Variants in CDH13 observed in about 807,000 individuals in gnomAD.
CDH13 encodes the protein cadherin 13.
Under a neutral mutation model 63.8 loss-of-function variants are expected in CDH13, and 24 were observed. The ratio of observed to expected loss-of-function variants is 0.38; its 90% CI spans 0.27 to 0.53. CDH13 has a LOEUF of 0.53. Among genes scored for constraint, CDH13 ranks in the 20% least tolerant of loss-of-function variants. The pLI, the probability that CDH13 is intolerant of heterozygous loss-of-function variation, is 0.85. For synonymous variants in CDH13, 503 were observed against 355.3 expected, an observed-to-expected ratio of 1.42 and a Z score of -4.67; for missense variants, 1,049 against 903.1, an observed-to-expected ratio of 1.16 and a Z score of -2.07.
intron 6 of CDH13, among the ~76,000 whole-genome samples, chr16:83,402,811 C>G (rs989041739): frequency 6.6e-6 from 1 of 152,168 alleles, no homozygotes; most frequent in Non-Finnish European, 1.5e-5. Flanking sequence ...ATTGTATTAC[C>G]TAATTTATGT....
At chr16:83,749,818 AG>A (rs1912928938) in intron 11 of CDH13, among the ~76,000 whole-genome samples, 1 of 152,192 alleles carries the variant, frequency 6.6e-6, no homozygotes, top group Non-Finnish European at 1.5e-5. Context: ...CTAAGCCCAG[AG>A]AAGCCCCTGT....
At chr16:83,584,423 T>C (rs1051284232) in intron 7 of CDH13, among the ~76,000 whole-genome samples, 1 of 152,150 alleles carries the variant, frequency 6.6e-6, no homozygotes, top group African/African-American at 2.4e-5. Context: ...TGGGACACGA[T>C]GTAATATATG....
chr16:82,800,417 C>G (rs995279335), intron 1 of CDH13, among the ~76,000 whole-genome samples: 4 of 152,032 alleles, frequency 2.6e-5, no homozygotes, highest in African/African-American at 4.8e-5. Context: ...TAGTGATACC[C>G]AAATCATAAA....
At chr16:82,873,340 C>G (rs2040404954) in intron 2 of CDH13, among the ~76,000 whole-genome samples, 1 of 152,142 alleles carries the variant, frequency 6.6e-6, no homozygotes, top group Non-Finnish European at 1.5e-5. Flanking sequence ...CTAAAGAGCC[C>G]AAGATCTCAC....
intron 10 of CDH13, among the ~76,000 whole-genome samples, chr16:83,713,417 T>A (rs1438906277): frequency 6.6e-6 from 1 of 152,120 alleles, no homozygotes; most frequent in Non-Finnish European, 1.5e-5. Flanking sequence ...ATTGCATTCT[T>A]TTATACAGAG....
intron 1 of CDH13, among the ~76,000 whole-genome samples, chr16:82,850,080 C>T (rs1041423117): frequency 6.6e-6 from 1 of 152,190 alleles, no homozygotes; most frequent in Admixed American, 6.5e-5. Context: ...TATTGACTTT[C>T]AAGTCTTACT....
At chr16:83,168,059 G>A (rs1414492239) in intron 4 of CDH13, among the ~76,000 whole-genome samples, 2 of 151,924 alleles carry the variant, frequency 1.3e-5, no homozygotes, top group African/African-American at 4.8e-5. Context: ...AGTGGGGAGG[G>A]AAAGAGGGGT....
chr16:82,872,016 T>C (rs1432371155), intron 2 of CDH13, among the ~76,000 whole-genome samples: 1 of 152,170 alleles, frequency 6.6e-6, no homozygotes, highest in Non-Finnish European at 1.5e-5. Context: ...TCTGTACTTC[T>C]CTTAGCCAGG....
At chr16:83,794,965 A>G in intron 13 of CDH13, 58 bp from the exon 14 acceptor site, 1 of 1,531,784 alleles carries the variant, frequency 6.5e-7, no homozygotes, top group Non-Finnish European at 8.9e-7. Context: ...CTTTTAGCTA[A>G]AATGTTTTGA....
At chr16:82,751,279 CT>C (rs1173957830) in intron 1 of CDH13, among the ~76,000 whole-genome samples, 2 of 152,176 alleles carry the variant, frequency 1.3e-5, no homozygotes, top group African/African-American at 4.8e-5. Flanking sequence ...CGAGTTAATG[CT>C]CTGTCATCAC....
chr16:83,100,169 G>C (rs1203530022), intron 3 of CDH13, among the ~76,000 whole-genome samples: 1 of 152,158 alleles, frequency 6.6e-6, no homozygotes, highest in Non-Finnish European at 1.5e-5. Context: ...ACTAGGGTTA[G>C]AAAGGTAAAT....
intron 7 of CDH13, among the ~76,000 whole-genome samples, chr16:83,554,940 A>G (rs1239109556): frequency 1.2e-5 from 1 of 84,146 alleles, no homozygotes; most frequent in African/African-American, 5.2e-5. Context: ...TTTTTTTTTT[A>G]GAGAACCTCT....
intron 2 of CDH13, among the ~76,000 whole-genome samples, chr16:82,908,419 G>A (rs1466678432): frequency 1.3e-5 from 2 of 152,144 alleles, no homozygotes; most frequent in Non-Finnish European, 2.9e-5. Flanking sequence ...GTCAAAAGCG[G>A]TCTCAGTTAC....
intron 3 of CDH13, among the ~76,000 whole-genome samples, chr16:83,081,981 G>A (rs755244881): frequency 6.6e-6 from 1 of 151,932 alleles, no homozygotes; most frequent in Non-Finnish European, 1.5e-5. Flanking sequence ...TCTATTTTTA[G>A]TAGAGACGGG....
intron 5 of CDH13, among the ~76,000 whole-genome samples, chr16:83,267,407 C>T (rs1045530739): frequency 1.3e-5 from 2 of 152,048 alleles, no homozygotes; most frequent in Admixed American, 6.6e-5. Flanking sequence ...GCAGGCACAT[C>T]GGCTTATAGG....
At chr16:83,746,455 A>G (rs1258912565) in intron 10 of CDH13, among the ~76,000 whole-genome samples, 1 of 152,206 alleles carries the variant, frequency 6.6e-6, no homozygotes, top group Non-Finnish European at 1.5e-5. Flanking sequence ...CAAAGACCTT[A>G]ACTCAGCTCT....
intron 7 of CDH13, among the ~76,000 whole-genome samples, chr16:83,558,154 G>A (rs1437300999): frequency 6.6e-6 from 1 of 152,188 alleles, no homozygotes; most frequent in Non-Finnish European, 1.5e-5. Context: ...TATGTCACCT[G>A]TTGTAGAGGG....
At chr16:83,201,112 T>C (rs921957121) in intron 4 of CDH13, among the ~76,000 whole-genome samples, 1 of 152,202 alleles carries the variant, frequency 6.6e-6, no homozygotes, top group Non-Finnish European at 1.5e-5. Context: ...AGGGTAGCTG[T>C]GCCTGTTCAT....
chr16:83,183,531 C>T (rs76865384), intron 4 of CDH13, among the ~76,000 whole-genome samples: 2 of 152,194 alleles, frequency 1.3e-5, no homozygotes, highest in Admixed American at 1.3e-4. Context: ...ATAGCCTCAA[C>T]TGGTGGAATT....
Sources: gnomAD v4.1 joint callset for allele counts (sites outside exome capture counted in the v4.1 genomes callset) on GRCh38, gnomAD v4.1.1 for gene constraint, MANE v1.5 for transcripts, NCBI Gene and HGNC (gene_info 2026-07-23, HGNC 2026-07-21) for gene names.